CCDC179: variants seen among roughly 807,000 people sequenced by gnomAD.
CCDC179 encodes the protein coiled-coil domain containing 179.
A neutral mutation model predicts 12.0 loss-of-function variants in CCDC179; 17 were observed. The ratio of observed to expected loss-of-function variants is 1.42; its 90% confidence interval spans 0.97 to 2.13. The LOEUF (loss-of-function observed/expected upper bound fraction) is 2.13. Ranked by LOEUF, CCDC179 falls within the 30% of genes most tolerant of loss-of-function variation. The probability of loss-of-function intolerance (pLI) is 0.00; values close to 1 mark genes in which losing one functional copy is unlikely to be tolerated. For missense variants in CCDC179, 83 were observed against 78.6 expected, an observed-to-expected ratio of 1.06 and a Z score of -0.21; for synonymous variants, 27 against 26.4, an observed-to-expected ratio of 1.02 and a Z score of -0.07.
chr11:22,852,330 C>T (rs536725459), intron 3 of CCDC179, among the ~76,000 whole-genome samples: 131 of 152,118 alleles, frequency 8.6e-4, no homozygotes, highest in Non-Finnish European at 1.7e-3. Context: ...ATAGCCCTTC[C>T]CCAAAATTAA....
intron 3 of CCDC179, 136 bp from the exon 4 acceptor site, chr11:22,847,657 A>G: frequency 2.4e-6 from 1 of 424,448 alleles, no homozygotes; most frequent in Non-Finnish European, 4.0e-6. Flanking sequence ...ATAAAAAATA[A>G]TCATTAATAG....
chr11:22,859,188 G>A (rs1858605880), intron 2 of CCDC179, among the ~76,000 whole-genome samples: 1 of 152,038 alleles, frequency 6.6e-6, no homozygotes, highest in Non-Finnish European at 1.5e-5. Context: ...TTAAATGGGA[G>A]GCATATTGTA....
intron 3 of CCDC179, among the ~76,000 whole-genome samples, chr11:22,850,988 T>C (rs1858385234): frequency 1.4e-5 from 1 of 73,744 alleles, no homozygotes; most frequent in Non-Finnish European, 2.9e-5. Context: ...TTTTTTTTTT[T>C]TTTTTTTTTT....
rs529618460 is a variant in CCDC179, at chr11:22,860,078, T to C, written c.45+299A>G. Among the ~76,000 whole-genome samples the C allele has an allele frequency of 2.6e-5, 4 of 152,330 alleles. No homozygotes were observed. The South Asian group carries it at 6.2e-4, about 24-fold the overall frequency. On this transcript the variant is annotated intron_variant, in intron 1 of 3. Transcript: ENST00000532798. ...TGTTCCACATCTGGCAATTGAGAAC[T>C]TTATCCTGCTCCCTACTTCTGTAAT...
intron 3 of CCDC179, among the ~76,000 whole-genome samples, chr11:22,847,887 G>C (rs1020270541): frequency 6.6e-6 from 1 of 152,234 alleles, no homozygotes; most frequent in African/African-American, 2.4e-5. Flanking sequence ...AGATGTGATA[G>C]AGATGTTAAA....
At position 22,855,647 on chromosome 11, in the gene CCDC179, A is replaced by G. The variant is rs561596065; in HGVS notation, c.195+2275T>C. ...AGATTTCACCTTAGGAAACCAGAAAAAGAAGAGCAAATTAAACCCAAAGTA... is the reference window on the plus strand; with the variant it reads ...AGATTTCACCTTAGGAAACCAGAAAGAGAAGAGCAAATTAAACCCAAAGTA... On this transcript the variant is annotated intron_variant, in intron 3 of 3. Transcript: ENST00000532798. 5.9e-5 allele frequency among the ~76,000 whole-genome samples: 9 copies of G among 151,692 alleles called. No individual in the cohort carries two copies. In the East Asian group the frequency reaches 1.3e-3, roughly 23 times the overall value.
chr11:22,852,292 T>G (rs1238392003), intron 3 of CCDC179, among the ~76,000 whole-genome samples: 2 of 152,164 alleles, frequency 1.3e-5, no homozygotes, highest in African/African-American at 4.8e-5. Context: ...AAGCTAACTA[T>G]AGGAGAAATT....
In CCDC179 at chr11:22,848,408, C is replaced by CA. The variant is rs1446273767; in HGVS notation, c.196-888dup. On this transcript the variant is annotated intron_variant, in intron 3 of 3. Transcript: ENST00000532798. ...GCAGTGAGCAGAGATTGTGCCACTG[C>CA]ACCCCAGCCTGGCCGACAGAGGGAG... 2.0e-5 allele frequency among the ~76,000 whole-genome samples: 3 copies of CA among 151,856 alleles called. No homozygotes were observed. In the East Asian group the frequency reaches 5.8e-4, roughly 29 times the overall value.
intron 3 of CCDC179, among the ~76,000 whole-genome samples, chr11:22,854,280 A>G (rs1485527597): frequency 6.6e-6 from 1 of 151,872 alleles, no homozygotes; most frequent in Non-Finnish European, 1.5e-5. Flanking sequence ...AAATGAAAAA[A>G]AAGAAGGTAA....
intron 3 of CCDC179, among the ~76,000 whole-genome samples, chr11:22,853,366 G>A (rs1858457164): frequency 6.6e-6 from 1 of 152,116 alleles, no homozygotes; most frequent in Admixed American, 6.6e-5. Context: ...AGTTCTAATA[G>A]AAGAAGTGGA....
Position 22,847,399 on chromosome 11 carries a change from G to T in CCDC179, c.*111C>A. 2 of 584,500 alleles carry T rather than the reference G, an allele frequency of 3.4e-6. No individual in the cohort carries two copies. Among genetic ancestry groups the T allele is most frequent in the Non-Finnish European group, 5.5e-6 (2 of 363,450 alleles). The allele number at this position is 584,500 out of a possible 1,614,324, so 36.2% of individuals were successfully genotyped here. Reference sequence around the variant, plus strand: ...ACTGTGTTTATTTTTCCGAAATGGTGGAGTATTGCATTTATTTTGTGGATG... The same window carrying T: ...ACTGTGTTTATTTTTCCGAAATGGTTGAGTATTGCATTTATTTTGTGGATG... On this transcript the variant is annotated 3_prime_UTR_variant, in exon 4 of 4. Transcript: ENST00000532798.
At chr11:22,859,987 A>G (rs1160546469) in intron 1 of CCDC179, among the ~76,000 whole-genome samples, 2 of 152,266 alleles carry the variant, frequency 1.3e-5, no homozygotes, top group Middle Eastern at 3.4e-3. Context: ...TCTTGATTGT[A>G]CCTTAAATAA....
chr11:22,852,188 A>G (rs1326597452), intron 3 of CCDC179, among the ~76,000 whole-genome samples: 2 of 152,240 alleles, frequency 1.3e-5, no homozygotes, highest in Non-Finnish European at 2.9e-5. Flanking sequence ...CTGCTCTTGC[A>G]GTGAAAAATT....
At position 22,849,191 on chromosome 11, in the gene CCDC179, A is replaced by T. The variant is rs529133962; in HGVS notation, c.196-1670T>A. 9.8e-5 allele frequency among the ~76,000 whole-genome samples: 15 copies of T among 152,324 alleles called. No individual in the cohort carries two copies. The South Asian group carries it at 2.3e-3, about 23-fold the overall frequency. Reference sequence around the variant, plus strand: ...GAGCTCCTCAATGTGCTTTCTTGGAAGAAAGGTATACTTTCTCTTTTATGA... The same window carrying T: ...GAGCTCCTCAATGTGCTTTCTTGGATGAAAGGTATACTTTCTCTTTTATGA... On this transcript the variant is annotated intron_variant, in intron 3 of 3. Transcript: ENST00000532798.
In CCDC179 at chr11:22,860,379, G is replaced by A. The variant is rs778437758; in HGVS notation, c.43C>T (p.Pro15Ser). The change falls in exon 1 of 4, where the codon CCT (proline) becomes TCT (serine). Residue 15 changes from proline to serine, a missense_variant and splice_region_variant. Transcript: ENST00000532798. ...GTTGTAGGCCCCAGCAGACTCACAG[G>A]GTTGACTTGGGAAGGCTCGATGTCC... is the stretch of plus-strand genomic sequence containing the variant. ...CWDIEPSQVN[P>S]EGPRQHHPSE... The A allele has an allele frequency of 4.6e-6, 7 of 1,535,558 alleles. No homozygotes were observed. The South Asian group carries it at 7.1e-5, about 16-fold the overall frequency.
chr11:22,847,664 A>C (rs748357308), intron 3 of CCDC179, 143 bp from the exon 4 acceptor site: 2 of 413,126 alleles, frequency 4.8e-6, no homozygotes, highest in Admixed American at 4.3e-5. Context: ...ATAATCATTA[A>C]TAGCTAGGAA....
intron 3 of CCDC179, among the ~76,000 whole-genome samples, chr11:22,854,611 A>G (rs1858493060): frequency 6.6e-6 from 1 of 151,840 alleles, no homozygotes; most frequent in Non-Finnish European, 1.5e-5. Context: ...AGAATATTAA[A>G]TAATATGAAT....
At chr11:22,852,211 A>T (rs1463299503) in intron 3 of CCDC179, among the ~76,000 whole-genome samples, 1 of 152,176 alleles carries the variant, frequency 6.6e-6, no homozygotes, top group African/African-American at 2.4e-5. Context: ...GACAGTAAAG[A>T]CTTCTGTTCT....
At chr11:22,859,271 A>G (rs927956501) in intron 2 of CCDC179, among the ~76,000 whole-genome samples, 181 bp downstream of exon 2, 2 of 152,170 alleles carry the variant, frequency 1.3e-5, no homozygotes, top group African/African-American at 2.4e-5. Flanking sequence ...AACATAAGCC[A>G]TTTAGTTTAC....
Sources: allele counts gnomAD v4.1 joint callset (sites outside exome capture counted in the v4.1 genomes callset), GRCh38; gene constraint gnomAD v4.1.1; transcripts MANE v1.5; gene names NCBI Gene and HGNC (gene_info 2026-07-23, HGNC 2026-07-21).